DCC: variants seen among roughly 807,000 people sequenced by gnomAD.
The protein encoded by DCC is DCC netrin 1 receptor.
DCC carries 58 observed loss-of-function variants against 172.5 expected under a neutral mutation model. The ratio of observed to expected loss-of-function variants is 0.34; its 90% CI spans 0.27 to 0.42. The LOEUF (loss-of-function observed/expected upper bound fraction) is 0.42, where lower values mean the gene tolerates loss of function less well. Ranked by LOEUF, DCC falls within the 10% of genes least tolerant of loss-of-function variation. The pLI, the probability that DCC is intolerant of heterozygous loss-of-function variation, is 1.00. For missense variants in DCC, 1,740 were observed against 1,791.0 expected, an observed-to-expected ratio of 0.97 and a Z score of 0.51; for synonymous variants, 709 against 644.5, an observed-to-expected ratio of 1.10 and a Z score of -1.52.
rs371136166 is a variant in DCC at position 53,511,703 on chromosome 18, G to A, written c.4111+12193G>A. 1.4e-4 allele frequency among the ~76,000 whole-genome samples: 21 copies of A among 152,280 alleles called. No individual in the cohort carries two copies. The East Asian group carries it at 2.3e-3, about 17-fold the overall frequency. ...CGAGTCAAAGAAAGGGGTGACGGAC[G>A]GCACCTGGAAAATCGGGTCACTCCC... On this transcript the variant is annotated intron_variant, in intron 27 of 28. Coordinates refer to ENST00000442544, the MANE Select transcript of DCC (RefSeq NM_005215.4).
At chr18:52,394,815 T>A (rs937536592) in intron 1 of DCC, among the ~76,000 whole-genome samples, 2 of 152,018 alleles carry the variant, frequency 1.3e-5, no homozygotes, top group Non-Finnish European at 2.9e-5. Flanking sequence ...AACCTGAGGT[T>A]TGGGCTTGAG....
intron 7 of DCC, among the ~76,000 whole-genome samples, chr18:53,096,844 C>A (rs1308083342): frequency 6.6e-6 from 1 of 152,100 alleles, no homozygotes; most frequent in African/African-American, 2.4e-5. Flanking sequence ...ACCATAATTA[C>A]TATGCTAAAA....
At chr18:52,918,181 T>C (rs2145475637) in intron 3 of DCC, among the ~76,000 whole-genome samples, 1 of 152,244 alleles carries the variant, frequency 6.6e-6, no homozygotes, top group East Asian at 1.9e-4. Context: ...CATTACAAAT[T>C]TGCATTCTGA....
intron 9 of DCC, among the ~76,000 whole-genome samples, chr18:53,200,549 C>T (rs1455560294): frequency 1.3e-5 from 2 of 152,178 alleles, no homozygotes; most frequent in African/African-American, 4.8e-5. Flanking sequence ...TGGCCGTTCT[C>T]CTGGGACAAA....
Position 53,066,078 on chromosome 18 carries a change from G to A in DCC, c.1173G>A (p.Val391=). 1 of 1,613,378 alleles carries A rather than the reference G, an allele frequency of 6.2e-7. No homozygotes were observed. The highest frequency in any genetic ancestry group is 2.2e-5 in the East Asian group (1 of 44,836). Residue 391 remains valine (V), a synonymous_variant, in exon 7 of 29, where the codon GTG becomes GTA. Coordinates refer to ENST00000442544, the MANE Select transcript of DCC (RefSeq NM_005215.4). ...GCAACTTACGGATACTTGGGGTGGT[G>A]AAGTCAGATGAAGGCTTTTATCAAT... The part of the protein sequence containing the change: ...GGSNLRILGV[V]KSDEGFYQCV...
chr18:53,221,621 C>T (rs2055933407), intron 12 of DCC, among the ~76,000 whole-genome samples: 1 of 151,980 alleles, frequency 6.6e-6, no homozygotes, highest in Non-Finnish European at 1.5e-5. Context: ...TTACAGAATC[C>T]CTGGCAACGA....
chr18:52,523,465 T>C (rs1270597827), intron 1 of DCC, among the ~76,000 whole-genome samples: 2 of 152,164 alleles, frequency 1.3e-5, no homozygotes, highest in African/African-American at 4.8e-5. Context: ...TAGAAGTGTG[T>C]TTTCACTTTT....
chr18:52,541,240 C>T (rs1056822265), intron 1 of DCC, among the ~76,000 whole-genome samples: 1 of 152,176 alleles, frequency 6.6e-6, no homozygotes, highest in Non-Finnish European at 1.5e-5. Context: ...CCACCTCACT[C>T]ATATTTTATC....
rs762667260 is a variant in DCC, at chr18:53,215,531, T to C, written c.1862-17T>C. ...GATTTTGGCAGTAACTGTGACAATT[T>C]GTTTGATTCCTTTTAGTGCCAAGTG... On this transcript the variant is annotated splice_polypyrimidine_tract_variant and intron_variant, in intron 11 of 28. Coordinates refer to ENST00000442544, the MANE Select transcript of DCC (RefSeq NM_005215.4). 1 of 1,612,050 alleles carries C rather than the reference T, an allele frequency of 6.2e-7. No homozygotes were observed. Among genetic ancestry groups the C allele is most frequent in the East Asian group, 2.2e-5 (1 of 44,862 alleles).
intron 1 of DCC, among the ~76,000 whole-genome samples, chr18:52,697,391 T>C (rs1439045958): frequency 6.6e-6 from 1 of 152,206 alleles, no homozygotes; most frequent in Non-Finnish European, 1.5e-5. Flanking sequence ...TGGGATGGGT[T>C]ATCTACCTTA....
chr18:53,100,253 G>A (rs1277996301), intron 7 of DCC, among the ~76,000 whole-genome samples: 2 of 151,938 alleles, frequency 1.3e-5, no homozygotes, highest in African/African-American at 4.8e-5. Context: ...AGCCACTTAG[G>A]AGACTTTCCA....
At chr18:52,345,043 T>G (rs183328875) in intron 1 of DCC, among the ~76,000 whole-genome samples, 2 of 152,322 alleles carry the variant, frequency 1.3e-5, no homozygotes, top group Non-Finnish European at 2.9e-5. Flanking sequence ...AGGAAGTTTC[T>G]GGCCCACACT....
intron 7 of DCC, among the ~76,000 whole-genome samples, chr18:53,126,184 G>C (rs986324000): frequency 6.6e-6 from 1 of 152,132 alleles, no homozygotes; most frequent in African/African-American, 2.4e-5. Context: ...TTCTACACAA[G>C]CTGGAGATTT....
chr18:53,325,927 G>C (rs1010028391), intron 14 of DCC, among the ~76,000 whole-genome samples: 4 of 152,070 alleles, frequency 2.6e-5, no homozygotes, highest in Admixed American at 6.6e-5. Flanking sequence ...AGAGAAAGGG[G>C]GTTCTGACAG....
At chr18:53,480,148 A>T (rs2045814782) in intron 25 of DCC, among the ~76,000 whole-genome samples, 1 of 152,196 alleles carries the variant, frequency 6.6e-6, no homozygotes, top group African/African-American at 2.4e-5. Context: ...TCATTTGAGA[A>T]GATCTCAGCT....
intron 5 of DCC, among the ~76,000 whole-genome samples, chr18:52,939,688 C>T (rs1206958947): frequency 6.6e-6 from 1 of 151,972 alleles, no homozygotes. Flanking sequence ...TTTTTCTCTC[C>T]ACTTTAAAGA....
rs1222939 is a variant in DCC at position 52,415,893 on chromosome 18, G to C, written c.91+75015G>C. Among the ~76,000 whole-genome samples, 501 of 148,736 alleles carry C rather than the reference G, an allele frequency of 3.4e-3. 1 individual carries two copies. Among genetic ancestry groups the C allele is most frequent in the African/African-American group, 0.012 (489 of 40,458 alleles). On this transcript the variant is annotated intron_variant, in intron 1 of 28. Coordinates refer to ENST00000442544, the MANE Select transcript of DCC (RefSeq NM_005215.4). The stretch of plus-strand genomic sequence containing the variant: ...TTCCTTCAGTTCTACTCTGATTTTA[G>C]TTATTTCTTGCCGTCTGCTAGCTTT...
intron 1 of DCC, among the ~76,000 whole-genome samples, chr18:52,643,514 A>C (rs1403276928): frequency 1.3e-5 from 2 of 152,160 alleles, no homozygotes; most frequent in African/African-American, 2.4e-5. Flanking sequence ...TTTCCTCCTG[A>C]AACTATATTT....
At chr18:52,449,631 A>C (rs1269460600) in intron 1 of DCC, among the ~76,000 whole-genome samples, 1 of 152,160 alleles carries the variant, frequency 6.6e-6, no homozygotes, top group Non-Finnish European at 1.5e-5. Flanking sequence ...CTTTCCACTT[A>C]GTGCCTTATT....
Sources: gnomAD v4.1 joint callset for allele counts (sites outside exome capture counted in the v4.1 genomes callset) on GRCh38, gnomAD v4.1.1 for gene constraint, MANE v1.5 for transcripts, NCBI Gene and HGNC (gene_info 2026-07-23, HGNC 2026-07-21) for gene names.